Variants in RUNX1 observed in about 807,000 individuals in gnomAD.
RUNX1 encodes runt-related transcription factor 1.
RUNX1 carries 19 observed loss-of-function variants against 42.8 expected under a neutral mutation model. The ratio of observed to expected loss-of-function variants is 0.44; its 90% CI spans 0.31 to 0.65. RUNX1 has a LOEUF of 0.65. RUNX1 is among the 30% of genes least tolerant of loss of function. The probability of loss-of-function intolerance (pLI) is 0.07; values close to 1 mark genes in which losing one functional copy is unlikely to be tolerated. For missense variants in RUNX1, 528 were observed against 672.0 expected, an observed-to-expected ratio of 0.79 and a Z score of 2.37; for synonymous variants, 271 against 289.4, an observed-to-expected ratio of 0.94 and a Z score of 0.64.
At chr21:34,869,908 A>T (rs192989094) in intron 5 of RUNX1, among the ~76,000 whole-genome samples, 9 of 152,374 alleles carry the variant, frequency 5.9e-5, no homozygotes, top group Admixed American at 5.9e-4. Flanking sequence ...GGGAATTAAA[A>T]GGGGCACATA....
intron 6 of RUNX1, among the ~76,000 whole-genome samples, chr21:34,844,321 C>A (rs1197307291): frequency 6.6e-6 from 1 of 152,114 alleles, no homozygotes; most frequent in East Asian, 1.9e-4. Flanking sequence ...CAGGGCTAGT[C>A]CTGGGGTAGA....
chr21:34,985,245 T>C lies in RUNX1; in HGVS notation c.58+63597A>G, dbSNP rs568811510. ...TCCCTATGGTCTCATCATAGTTTCTTGCAATAGGGATGACAGAGCAGGGAG... is the reference window on the plus strand; with the variant it reads ...TCCCTATGGTCTCATCATAGTTTCTCGCAATAGGGATGACAGAGCAGGGAG... On this transcript the variant is annotated intron_variant, in intron 2 of 8. Transcript: ENST00000675419. Among the ~76,000 whole-genome samples the C allele has an allele frequency of 3.9e-5, 6 of 152,332 alleles. No individual in the cohort carries two copies. In the South Asian group the frequency reaches 1.2e-3, roughly 32 times the overall value.
At chr21:34,826,072 T>G (rs1331838501) in intron 7 of RUNX1, among the ~76,000 whole-genome samples, 1 of 152,220 alleles carries the variant, frequency 6.6e-6, no homozygotes, top group Admixed American at 6.5e-5. Flanking sequence ...AGTTTGTGGT[T>G]ATTTGTTAAA....
chr21:34,887,002 G>A lies in RUNX1; in HGVS notation c.192C>T (p.Gly64=), dbSNP rs2146412616. ...EALPLGAPDA[G]AALAGKLRSG... ...TCCTCAGCTTGCCGGCCAGGGCAGC[G>A]CCGGCGTCCGGGGCGCCCAGCGGCA... The change falls in exon 4 of 9, where the codon GGC becomes GGT. Residue 64 remains glycine, a synonymous_variant. Transcript: ENST00000675419. 6.2e-7 allele frequency: 1 copy of A among 1,603,848 alleles called. No homozygotes were observed. The highest frequency in any genetic ancestry group is 8.5e-7 in the Non-Finnish European group (1 of 1,177,788).
At chr21:34,842,492 C>CAAAAAAAAAAAAAA (rs371971118) in intron 6 of RUNX1, among the ~76,000 whole-genome samples, 1 of 52,218 alleles carries the variant, frequency 1.9e-5, no homozygotes, top group East Asian at 6.1e-4. Context: ...GAGACCTCTC[C>CAAAAAAAAAAAAAA]AAAAAAAAAA....
intron 2 of RUNX1, among the ~76,000 whole-genome samples, chr21:35,004,006 C>T (rs1177806406): frequency 6.6e-6 from 1 of 152,230 alleles, no homozygotes; most frequent in Non-Finnish European, 1.5e-5. Context: ...AAATAATCCA[C>T]ACACATTCTA....
At chr21:34,937,079 C>A (rs1229219640) in intron 2 of RUNX1, among the ~76,000 whole-genome samples, 1 of 152,102 alleles carries the variant, frequency 6.6e-6, no homozygotes, top group Non-Finnish European at 1.5e-5. Flanking sequence ...AGAGGCCTGG[C>A]CTGAAGCACG....
intron 2 of RUNX1, among the ~76,000 whole-genome samples, chr21:35,011,558 G>C (rs954253474): frequency 1.1e-4 from 16 of 152,194 alleles, no homozygotes; most frequent in Admixed American, 5.2e-4. Context: ...ACCGAGGAGG[G>C]TAAGCAATAA....
chr21:35,004,555 C>T (rs534602378), intron 2 of RUNX1, among the ~76,000 whole-genome samples: 3 of 152,178 alleles, frequency 2.0e-5, no homozygotes, highest in Non-Finnish European at 4.4e-5. Context: ...AAAGCTTACA[C>T]TAGAACCTGG....
Position 34,892,945 on chromosome 21 carries a change from T to G in RUNX1, c.77A>C (p.Asn26Thr), listed in dbSNP as rs778220296. The G allele has an allele frequency of 1.9e-6, 3 of 1,575,710 alleles. No individual in the cohort carries two copies. The highest frequency in any genetic ancestry group is 3.3e-5 in the Admixed American group (2 of 59,852). Residue 26 changes from asparagine to threonine, a missense_variant, in exon 3 of 9, where the codon AAT becomes ACT. Physicochemically the swap from Asn to Thr is moderately conservative, Grantham distance 65. Coordinates refer to ENST00000675419, the MANE Select transcript of RUNX1 (RefSeq NM_001754.5). ...CFMRECILGM[N>T]PSRDVHDAST... ...CATACCGTGGACGTCTCTAGAAGGATTCATTCCAAGTATGCATTCTGAAAT... is the reference window on the plus strand; with the variant it reads ...CATACCGTGGACGTCTCTAGAAGGAGTCATTCCAAGTATGCATTCTGAAAT...
intron 5 of RUNX1, among the ~76,000 whole-genome samples, chr21:34,878,910 T>A (rs2057855637): frequency 6.6e-6 from 1 of 152,226 alleles, no homozygotes; most frequent in African/African-American, 2.4e-5. Flanking sequence ...TTTTAAAACT[T>A]TTATGACCAA....
chr21:34,921,689 G>A (rs910426833), intron 2 of RUNX1, among the ~76,000 whole-genome samples: 122 of 152,146 alleles, frequency 8.0e-4, no homozygotes, highest in African/African-American at 2.7e-3. Context: ...CTGGAGGGCA[G>A]TGGCACCATC....
intron 2 of RUNX1, among the ~76,000 whole-genome samples, chr21:34,935,310 T>C (rs1352831824): frequency 1.3e-5 from 2 of 152,170 alleles, no homozygotes; most frequent in African/African-American, 4.8e-5. Flanking sequence ...TGGTTGGACT[T>C]AAACCTTGGT....
In RUNX1 at chr21:34,787,994, C is replaced by T. The variant is rs771441558; in HGVS notation, c.*4141G>A. The T allele has an allele frequency of 4.3e-6, 1 of 233,410 alleles. No homozygotes were observed. The highest frequency in any genetic ancestry group is 8.5e-6 in the Non-Finnish European group (1 of 118,160). The allele number at this position is 233,410 out of a possible 1,614,324, so 14.5% of individuals were successfully genotyped here. ...GGAGGCGGCCCACCCGACTGTGTAC[C>T]GTGGACTGTGGACAGTGCAGTGCCT... is the stretch of plus-strand genomic sequence containing the variant. On this transcript the variant is annotated 3_prime_UTR_variant, in exon 9 of 9. Transcript: ENST00000675419.
chr21:34,801,148 G>A (rs1273756751), intron 7 of RUNX1, among the ~76,000 whole-genome samples: 1 of 151,718 alleles, frequency 6.6e-6, no homozygotes, highest in East Asian at 1.9e-4. Flanking sequence ...TATAAGACAT[G>A]CGTATATACT....
intron 2 of RUNX1, among the ~76,000 whole-genome samples, chr21:34,906,445 C>T (rs757624733): frequency 1.3e-4 from 20 of 152,188 alleles, no homozygotes; most frequent in South Asian, 2.1e-4. Flanking sequence ...ATTTACTGAG[C>T]TATTCTGAGC....
intron 6 of RUNX1, among the ~76,000 whole-genome samples, chr21:34,841,599 T>C (rs1333151406): frequency 6.6e-6 from 1 of 152,168 alleles, no homozygotes; most frequent in African/African-American, 2.4e-5. Flanking sequence ...AGAAGGCAGA[T>C]AGGTTGAGCT....
intron 2 of RUNX1, among the ~76,000 whole-genome samples, chr21:34,976,389 A>T (rs1054201760): frequency 6.6e-6 from 1 of 152,228 alleles, no homozygotes; most frequent in African/African-American, 2.4e-5. Flanking sequence ...CTCCCTAATG[A>T]GGGAAGTAAA....
chr21:35,039,365 T>C (rs2059341187), intron 2 of RUNX1, among the ~76,000 whole-genome samples: 1 of 152,168 alleles, frequency 6.6e-6, no homozygotes, highest in Non-Finnish European at 1.5e-5. Flanking sequence ...TGCCCTAAGG[T>C]AGAGAAATGT....
Sources: allele counts gnomAD v4.1 joint callset (sites outside exome capture counted in the v4.1 genomes callset), GRCh38; gene constraint gnomAD v4.1.1; transcripts MANE v1.5; gene names NCBI Gene and HGNC (gene_info 2026-07-23, HGNC 2026-07-21).